The following NDUFA9 variants were observed in gnomAD, a reference collection of about 807,000 sequenced individuals.
NDUFA9 encodes NADH:ubiquinone oxidoreductase subunit A9, also known as NADH dehydrogenase [ubiquinone] 1 alpha subcomplex subunit 9, mitochondrial.
In NDUFA9, 23 loss-of-function variants were observed where a neutral mutation model predicts 45.9. The ratio of observed to expected loss-of-function variants is 0.50; its 90% CI spans 0.36 to 0.71. NDUFA9 has a LOEUF of 0.71. Ranked by LOEUF, NDUFA9 falls within the 30% of genes least tolerant of loss-of-function variation. NDUFA9 has a pLI of 0.00. For synonymous variants in NDUFA9, 176 were observed against 170.5 expected (o/e 1.03, Z -0.25); for missense variants, 466 against 488.2 (o/e 0.95, Z 0.43).
intron 10 of NDUFA9, among the ~76,000 whole-genome samples, chr12:4,686,077 C>T (rs542247588): frequency 3.3e-5 from 5 of 152,178 alleles, no homozygotes; most frequent in Admixed American, 6.5e-5. Context: ...CAGGCAGGAT[C>T]GCTGGTTGTC....
intron 1 of NDUFA9, 117 bp from the exon 2 acceptor site, chr12:4,654,175 C>A: frequency 1.0e-6 from 1 of 976,190 alleles, no homozygotes; most frequent in Non-Finnish European, 1.5e-6. Context: ...ACTTAAATTG[C>A]TAAAGTACTG....
intron 8 of NDUFA9, among the ~76,000 whole-genome samples, chr12:4,677,399 CCTT>C: frequency 6.6e-6 from 1 of 152,218 alleles, no homozygotes; most frequent in South Asian, 2.1e-4. Context: ...TGCAATCTAT[CCTT>C]CTGAAAAAGG....
At position 4,690,270 on chromosome 12, in the gene NDUFA9, A is replaced by C. The variant is rs1020343463; in HGVS notation, c.*3162A>C. 5 of 152,280 alleles carry C rather than the reference A, an allele frequency of 3.3e-5. No individual in the cohort carries two copies. Among genetic ancestry groups the C allele is most frequent in the Non-Finnish European group, 7.4e-5 (5 of 68,024 alleles). The allele number at this position is 152,280 out of a possible 1,614,324, so 9.4% of individuals were successfully genotyped here. Reference sequence around the variant, plus strand: ...CCTCATTTACCTACATTTATCATTAAACCTTTGTGATTCAGCAAATCTGTT... The same window carrying C: ...CCTCATTTACCTACATTTATCATTACACCTTTGTGATTCAGCAAATCTGTT... On this transcript the variant is annotated 3_prime_UTR_variant, in exon 11 of 11. Coordinates refer to ENST00000266544, the MANE Select transcript of NDUFA9 (RefSeq NM_005002.5).
chr12:4,650,082 T>A (rs1400856523), intron 1 of NDUFA9, among the ~76,000 whole-genome samples: 1 of 152,214 alleles, frequency 6.6e-6, no homozygotes, highest in Non-Finnish European at 1.5e-5. Flanking sequence ...CATGTCAGAA[T>A]CACTCGTAAA....
At chr12:4,675,437 A>G (rs193201464) in intron 8 of NDUFA9, among the ~76,000 whole-genome samples, 52 of 152,322 alleles carry the variant, frequency 3.4e-4, no homozygotes, top group African/African-American at 1.1e-3. Context: ...AAGAAAAGAG[A>G]GAAGAATCAA....
chr12:4,658,528 C>T (rs1276805526), intron 4 of NDUFA9, among the ~76,000 whole-genome samples: 1 of 151,614 alleles, frequency 6.6e-6, no homozygotes, highest in African/African-American at 2.4e-5. Flanking sequence ...TTTTTTTTCC[C>T]TTGCGGGAAA....
rs1565562888 is a variant in NDUFA9 at position 4,649,142 on chromosome 12, C to CA, written c.18dup (p.Ser7IlefsTer81). On this transcript the variant is annotated frameshift_variant, in exon 1 of 11. Coordinates refer to ENST00000266544, the MANE Select transcript of NDUFA9 (RefSeq NM_005002.5). LOFTEE classifies it high-confidence loss of function. ...GTGGGAAAAGATGGCGGCTGCCGCA[C>CA]AATCCCGGGTTGTCCGGGTCCTGTC... The CA allele has an allele frequency of 5.0e-6, 8 of 1,605,058 alleles. No individual in the cohort carries two copies. Among genetic ancestry groups the CA allele is most frequent in the Non-Finnish European group, 5.1e-6 (6 of 1,176,136 alleles).
chr12:4,651,277 TATC>T (rs1271146942), intron 1 of NDUFA9, among the ~76,000 whole-genome samples: 1 of 152,150 alleles, frequency 6.6e-6, no homozygotes, highest in Non-Finnish European at 1.5e-5. Flanking sequence ...TAATAAAGAA[TATC>T]ATTCTTCTAA....
At chr12:4,671,031 A>G (rs1414534648) in intron 8 of NDUFA9, among the ~76,000 whole-genome samples, 1 of 152,194 alleles carries the variant, frequency 6.6e-6, no homozygotes, top group Non-Finnish European at 1.5e-5. Flanking sequence ...AATACTAGAC[A>G]TTGCAGTGTA....
At chr12:4,674,952 G>C (rs1174172585) in intron 8 of NDUFA9, among the ~76,000 whole-genome samples, 1 of 152,164 alleles carries the variant, frequency 6.6e-6, no homozygotes, top group Non-Finnish European at 1.5e-5. Flanking sequence ...CGAAAGAACA[G>C]AAATCATAAC....
intron 5 of NDUFA9, among the ~76,000 whole-genome samples, chr12:4,661,407 G>T (rs879569579): frequency 7.9e-5 from 12 of 152,138 alleles, no homozygotes; most frequent in Non-Finnish European, 1.8e-4. Flanking sequence ...TTTGGGAAAT[G>T]TTGAGGGCCT....
intron 8 of NDUFA9, among the ~76,000 whole-genome samples, chr12:4,672,930 G>C (rs769803048): frequency 1.3e-5 from 2 of 152,216 alleles, no homozygotes; most frequent in Non-Finnish European, 2.9e-5. Flanking sequence ...CGTGTATCCT[G>C]ACTGGGAGAT....
Position 4,659,053 on chromosome 12 carries a change from A to G in NDUFA9, c.428A>G (p.Asp143Gly). Residue 143 changes from aspartate (D) to glycine (G), a missense_variant, in exon 5 of 11, where the codon GAT becomes GGT. Physicochemically the swap from Asp to Gly is moderately conservative, Grantham distance 94. Coordinates refer to ENST00000266544, the MANE Select transcript of NDUFA9 (RefSeq NM_005002.5). The part of the protein sequence containing the change: ...DWETKNFDFE[D>G]VFVKIPQAIA... The stretch of plus-strand genomic sequence containing the variant: ...TCTTCCAGAAACTTTGATTTTGAGG[A>G]TGTTTTTGTGAAGATTCCCCAAGCA... 1 of 1,613,104 alleles carries G rather than the reference A, an allele frequency of 6.2e-7. No homozygotes were observed. The highest frequency in any genetic ancestry group is 2.2e-5 in the East Asian group (1 of 44,862).
At chr12:4,682,375 G>C (rs1945958735) in intron 9 of NDUFA9, 75 bp downstream of exon 9, 1 of 1,045,292 alleles carries the variant, frequency 9.6e-7, no homozygotes, top group South Asian at 1.7e-5. Context: ...TTCTCCCTTA[G>C]GGTTATAGGG....
chr12:4,673,007 C>T (rs1424181268), intron 8 of NDUFA9, among the ~76,000 whole-genome samples: 61 of 152,304 alleles, frequency 4.0e-4, no homozygotes, highest in Non-Finnish European at 7.4e-5. Flanking sequence ...GCAGGTGCCC[C>T]TCTGGGACGA....
chr12:4,651,311 A>G (rs985803866), intron 1 of NDUFA9, among the ~76,000 whole-genome samples: 1 of 152,176 alleles, frequency 6.6e-6, no homozygotes, highest in African/African-American at 2.4e-5. Flanking sequence ...AATAAATGGA[A>G]GAAAGTGGAG....
intron 7 of NDUFA9, 48 bp downstream of exon 7, chr12:4,668,572 A>C: frequency 6.7e-7 from 1 of 1,484,984 alleles, no homozygotes; most frequent in Non-Finnish European, 9.4e-7. Context: ...TGATGAATTC[A>C]GATTTGAGTG....
Position 4,688,320 on chromosome 12 carries a change from G to C in NDUFA9, c.*1212G>C, listed in dbSNP as rs1945999792. The C allele has an allele frequency of 6.6e-6, 1 of 151,868 alleles. No individual in the cohort carries two copies. Among genetic ancestry groups the C allele is most frequent in the Non-Finnish European group, 1.5e-5 (1 of 67,982 alleles). 9.4% of individuals were successfully genotyped at this position (151,868 alleles called of 1,614,324 possible). A position where few individuals can be genotyped will look rare whatever the true frequency, so the allele number is the denominator to read the frequency against. On this transcript the variant is annotated 3_prime_UTR_variant, in exon 11 of 11. Coordinates refer to ENST00000266544, the MANE Select transcript of NDUFA9 (RefSeq NM_005002.5). Reference sequence around the variant, plus strand: ...AATATGGCAAGACCTTGTCTCTACAGAAAAATTTCAAAAAGTTAGTAGGGC... The same window carrying C: ...AATATGGCAAGACCTTGTCTCTACACAAAAATTTCAAAAAGTTAGTAGGGC...
chr12:4,650,056 G>A (rs1341208037), intron 1 of NDUFA9, among the ~76,000 whole-genome samples: 1 of 152,100 alleles, frequency 6.6e-6, no homozygotes, highest in African/African-American at 2.4e-5. Flanking sequence ...AATATCATTT[G>A]CTTTCAAAAT....
Sources: gnomAD v4.1 joint callset for allele counts (sites outside exome capture counted in the v4.1 genomes callset) on GRCh38, gnomAD v4.1.1 for gene constraint, MANE v1.5 for transcripts, NCBI Gene and HGNC (gene_info 2026-07-23, HGNC 2026-07-21) for gene names.